Variants in SNTN observed in about 807,000 individuals in gnomAD.
SNTN encodes sentan.
A neutral mutation model predicts 12.3 loss-of-function variants in SNTN; 13 were observed. That is an observed-to-expected ratio of 1.05 (90% CI 0.69 to 1.67). SNTN has a LOEUF of 1.67. SNTN is among the 40% of genes most tolerant of loss of function. The pLI is 0.00. For missense variants in SNTN, 189 were observed against 169.8 expected (o/e 1.11, Z -0.63); for synonymous variants, 69 against 58.5 (o/e 1.18, Z -0.82).
At position 63,661,026 on chromosome 3, in the gene SNTN, C is replaced by T. The variant is rs74595022; in HGVS notation, c.285+1162C>T. Among the ~76,000 whole-genome samples, 168 of 152,280 alleles carry T rather than the reference C, an allele frequency of 1.1e-3. 5 individuals are homozygous for T. The East Asian group carries it at 0.026, about 24-fold the overall frequency. On this transcript the variant is annotated intron_variant, in intron 3 of 3. Transcript: ENST00000343837. ...TTAGAACTTTTCCTTTATGTTTTCT[C>T]TCTACTTAAGTAAATTTTTATAAGG...
intron 2 of SNTN, 54 bp downstream of exon 2, chr3:63,654,850 C>T: frequency 1.3e-6 from 2 of 1,507,864 alleles, no homozygotes; most frequent in Non-Finnish European, 9.1e-7. Flanking sequence ...AGATGGCATG[C>T]CAAGTGTTAA....
At chr3:63,653,713 C>A (rs1355758328) in intron 1 of SNTN, among the ~76,000 whole-genome samples, 1 of 152,186 alleles carries the variant, frequency 6.6e-6, no homozygotes, top group Non-Finnish European at 1.5e-5. Flanking sequence ...GAGCAAGATA[C>A]AACTTCCTGC....
chr3:63,656,661 A>G (rs1700682659), intron 2 of SNTN, among the ~76,000 whole-genome samples: 1 of 152,162 alleles, frequency 6.6e-6, no homozygotes, highest in Admixed American at 6.5e-5. Context: ...TGTGGCTCAA[A>G]TTATTTTTGG....
chr3:63,653,061 TA>T (rs1479369226), intron 1 of SNTN, among the ~76,000 whole-genome samples: 1 of 152,234 alleles, frequency 6.6e-6, no homozygotes, highest in Non-Finnish European at 1.5e-5. Flanking sequence ...GGTGATGACT[TA>T]ACTGTGTAGC....
In SNTN at chr3:63,659,215, C is replaced by T. The variant is rs796602741; in HGVS notation, c.146-510C>T. Among the ~76,000 whole-genome samples, 126 of 152,232 alleles carry T rather than the reference C, an allele frequency of 8.3e-4. 1 individual carries two copies. Among genetic ancestry groups the T allele is most frequent in the African/African-American group, 2.9e-3 (119 of 41,546 alleles). On this transcript the variant is annotated intron_variant, in intron 2 of 3. Coordinates refer to ENST00000343837, the MANE Select transcript of SNTN (RefSeq NM_001080537.2). The stretch of plus-strand genomic sequence containing the variant: ...TGGGAGATCACTCTGTTTTAGGCCA[C>T]GAGTCAAAGAGAACCCTTATTCATC...
chr3:63,658,990 TGAG>T (rs1700712416), intron 2 of SNTN, among the ~76,000 whole-genome samples: 1 of 152,148 alleles, frequency 6.6e-6, no homozygotes, highest in Non-Finnish European at 1.5e-5. Flanking sequence ...GCTTTCTAGT[TGAG>T]GAAAGGACAG....
intron 2 of SNTN, among the ~76,000 whole-genome samples, chr3:63,658,906 A>G (rs1700711809): frequency 6.6e-6 from 1 of 152,212 alleles, no homozygotes; most frequent in Non-Finnish European, 1.5e-5. Context: ...CCTACAATGT[A>G]GCAGACATTT....
chr3:63,653,454 G>A (rs2106936951), intron 1 of SNTN, among the ~76,000 whole-genome samples: 1 of 152,238 alleles, frequency 6.6e-6, no homozygotes, highest in Admixed American at 6.5e-5. Context: ...TCACCAAGAA[G>A]ACCACGAAGG....
chr3:63,657,993 A>G (rs1267874217), intron 2 of SNTN, among the ~76,000 whole-genome samples: 1 of 152,108 alleles, frequency 6.6e-6, no homozygotes, highest in African/African-American at 2.4e-5. Context: ...TAGTTGCTCA[A>G]AATGCTTTGA....
At chr3:63,663,750 C>A in intron 3 of SNTN, 187 bp from the exon 4 acceptor site, 1 of 727,366 alleles carries the variant, frequency 1.4e-6, no homozygotes, top group Non-Finnish European at 2.5e-6. Flanking sequence ...TCACCACATG[C>A]AGATGCCTGA....
intron 2 of SNTN, among the ~76,000 whole-genome samples, chr3:63,657,818 A>G (rs1315909740): frequency 1.3e-5 from 2 of 152,206 alleles, no homozygotes; most frequent in Non-Finnish European, 2.9e-5. Context: ...CAAAGATTTC[A>G]TATACTTTCT....
rs1320420315 is a variant in SNTN, at chr3:63,652,815, G to T, written c.110+18G>T. The T allele has an allele frequency of 1.9e-6, 3 of 1,600,456 alleles. No individual in the cohort carries two copies. Among genetic ancestry groups the T allele is most frequent in the African/African-American group, 1.3e-5 (1 of 74,740 alleles). On this transcript the variant is annotated intron_variant, in intron 1 of 3. Coordinates refer to ENST00000343837, the MANE Select transcript of SNTN (RefSeq NM_001080537.2). ...CCCAAAAGGTCAGTGGCACTTGGCT[G>T]TCTTTTATTGAGTTTCATTTAAGCT... is the stretch of plus-strand genomic sequence containing the variant.
At chr3:63,654,850 C>A (rs1700659285) in intron 2 of SNTN, 54 bp downstream of exon 2, 3 of 1,507,736 alleles carry the variant, frequency 2.0e-6, no homozygotes, top group East Asian at 2.3e-5. Context: ...AGATGGCATG[C>A]CAAGTGTTAA....
At position 63,656,156 on chromosome 3, in the gene SNTN, G is replaced by T. The variant is rs191713857; in HGVS notation, c.145+1360G>T. Among the ~76,000 whole-genome samples, 1,024 of 152,268 alleles carry T rather than the reference G, an allele frequency of 6.7e-3. 3 individuals carry two copies. Among genetic ancestry groups the T allele is most frequent in the Non-Finnish European group, 0.01 (712 of 68,018 alleles). On this transcript the variant is annotated intron_variant, in intron 2 of 3. Transcript: ENST00000343837. ...TCTTTCATTCTTCTGTATTGAGACT[G>T]GTATTTCCATGACACCATTCAATGT...
intron 2 of SNTN, among the ~76,000 whole-genome samples, chr3:63,656,319 C>A (rs74372560): frequency 0.047 from 7,182 of 152,110 alleles, 544 homozygotes; most frequent in African/African-American, 0.16. Flanking sequence ...CATGCCAGGG[C>A]CTGGGAATGA....
intron 2 of SNTN, among the ~76,000 whole-genome samples, chr3:63,658,482 T>C (rs769326483): frequency 6.6e-6 from 1 of 151,440 alleles, no homozygotes. Context: ...TAAATACATG[T>C]GTATACATAT....
At chr3:63,658,980 G>A (rs1395259197) in intron 2 of SNTN, among the ~76,000 whole-genome samples, 1 of 152,172 alleles carries the variant, frequency 6.6e-6, no homozygotes, top group African/African-American at 2.4e-5. Flanking sequence ...CATGGAGACT[G>A]CTTTCTAGTT....
rs538873078 is a variant in SNTN at position 63,661,902 on chromosome 3, A to G, written c.286-2035A>G. Among the ~76,000 whole-genome samples the G allele has an allele frequency of 5.9e-5, 9 of 152,312 alleles. 1 individual carries two copies. In the South Asian group the frequency reaches 1.0e-3, roughly 18 times the overall value. The stretch of plus-strand genomic sequence containing the variant: ...AAAATGAAGAACTAATGGATGCACC[A>G]TCTTGATGTAACTCATCATCCCTCT... On this transcript the variant is annotated intron_variant, in intron 3 of 3. Transcript: ENST00000343837.
rs1000565770 is a variant in SNTN, at chr3:63,664,357, A to T, written c.*262A>T. ...AATAAATGGCTTTTGCTGAGTCAGT[A>T]GCGACCTAGAGCACTCTACTTATAG... On this transcript the variant is annotated 3_prime_UTR_variant, in exon 4 of 4. Coordinates refer to ENST00000343837, the MANE Select transcript of SNTN (RefSeq NM_001080537.2). 2.0e-4 allele frequency: 65 copies of T among 324,412 alleles called. No individual in the cohort carries two copies. In the South Asian group the frequency reaches 3.2e-3, roughly 16 times the overall value. 20.1% of individuals were successfully genotyped at this position (324,412 alleles called of 1,614,324 possible). A position where few individuals can be genotyped will look rare whatever the true frequency, so the allele number is the denominator to read the frequency against.
Sources: gnomAD v4.1 joint callset for allele counts (sites outside exome capture counted in the v4.1 genomes callset) on GRCh38, gnomAD v4.1.1 for gene constraint, MANE v1.5 for transcripts, NCBI Gene and HGNC (gene_info 2026-07-23, HGNC 2026-07-21) for gene names.